The following TSSK2 variants were observed in gnomAD, a reference collection of about 807,000 sequenced individuals.
The protein encoded by TSSK2 is testis-specific serine/threonine-protein kinase 2.
TSSK2 carries 5 observed loss-of-function variants against 14.2 expected under a neutral mutation model. The ratio of observed to expected loss-of-function variants is 0.35; its 90% CI spans 0.18 to 0.74. The LOEUF is 0.74. Among genes scored for constraint, TSSK2 ranks in the 30% least tolerant of loss-of-function variants. TSSK2 has a pLI of 0.56. For synonymous variants in TSSK2, 209 were observed against 201.9 expected (o/e 1.04, Z -0.30); for missense variants, 439 against 491.1 (o/e 0.89, Z 1.00).
Position 19,131,907 on chromosome 22 carries a change from A to C in TSSK2, c.508A>C (p.Ile170Leu), listed in dbSNP as rs761972241. ...RCLRDSNGRI[I>L]LSKTFCGSAA... The stretch of plus-strand genomic sequence containing the variant: ...CCTGCGGGACAGCAATGGGCGCATC[A>C]TCCTCAGCAAGACCTTCTGCGGGTC... Residue 170 changes from isoleucine to leucine, a missense_variant, in exon 1 of 1, where the codon ATC becomes CTC. Physicochemically the swap from Ile to Leu is conservative, Grantham distance 5 (BLOSUM62 2). Coordinates refer to ENST00000399635, the MANE Select transcript of TSSK2 (RefSeq NM_053006.5). This position sits in a 1 kb window ranked among gnomAD's most constrained non-coding sequence, Gnocchi z 5.7. The C allele has an allele frequency of 6.2e-7, 1 of 1,613,970 alleles. No homozygotes were observed. Among genetic ancestry groups the C allele is most frequent in the African/African-American group, 1.3e-5 (1 of 74,938 alleles).
chr22:19,132,188 C>T lies in TSSK2; in HGVS notation c.789C>T (p.Ile263=), dbSNP rs767667222. The change falls in exon 1 of 1, where the codon ATC becomes ATT. Residue 263 remains isoleucine (I), a synonymous_variant. Transcript: ENST00000399635. This position sits in a 1 kb window ranked among gnomAD's most constrained non-coding sequence, Gnocchi z 4.2. ...LQPDVSQRLH[I]DEILSHSWLQ... Reference sequence around the variant, plus strand: ...CCGACGTCAGCCAGCGGCTCCACATCGATGAGATCCTCAGCCACTCGTGGC... The same window carrying T: ...CCGACGTCAGCCAGCGGCTCCACATTGATGAGATCCTCAGCCACTCGTGGC... The T allele has an allele frequency of 1.7e-5, 27 of 1,613,004 alleles. No individual in the cohort carries two copies. The highest frequency in any genetic ancestry group is 2.2e-5 in the East Asian group (1 of 44,860).
In TSSK2 at chr22:19,132,266, G is replaced by A; in HGVS notation, c.867G>A (p.Gly289=). Residue 289 remains glycine, a synonymous_variant, in exon 1 of 1, where the codon GGG becomes GGA. Transcript: ENST00000399635. The surrounding 1 kb of genome is among the most constrained non-coding windows in gnomAD (Gnocchi z 4.2). Reference sequence around the variant, plus strand: ...CTTCTGCCTCCTTCAAGAGGGAGGGGGAGGGCAAGTACCGCGCTGAGTGCA... The same window carrying A: ...CTTCTGCCTCCTTCAAGAGGGAGGGAGAGGGCAAGTACCGCGCTGAGTGCA... ...ATSSASFKRE[G]EGKYRAECKL... 2 of 1,612,754 alleles carry A rather than the reference G, an allele frequency of 1.2e-6. No homozygotes were observed. Among genetic ancestry groups the A allele is most frequent in the East Asian group, 4.5e-5 (2 of 44,854 alleles).
rs2083513918 is a variant in TSSK2 at position 19,132,065 on chromosome 22, G to A, written c.666G>A (p.Arg222=). The part of the protein sequence containing the change: ...GSMPYDDSDI[R]KMLRIQKEHR... ...TGCCCTATGACGACTCCGACATCAG[G>A]AAGATGCTGCGTATCCAGAAGGAGC... Residue 222 remains arginine (R), a synonymous_variant, in exon 1 of 1, where the codon AGG becomes AGA. Coordinates refer to ENST00000399635, the MANE Select transcript of TSSK2 (RefSeq NM_053006.5). This position sits in a 1 kb window ranked among gnomAD's most constrained non-coding sequence, Gnocchi z 4.2. 3.1e-6 allele frequency: 5 copies of A among 1,614,010 alleles called. No individual in the cohort carries two copies. In the Middle Eastern group the frequency reaches 6.6e-4, roughly 213 times the overall value.
Position 19,131,466 on chromosome 22 carries a change from T to C in TSSK2, c.67T>C (p.Tyr23His), listed in dbSNP as rs746762650. 3.1e-6 allele frequency: 5 copies of C among 1,614,114 alleles called. No individual in the cohort carries two copies. Among genetic ancestry groups the C allele is most frequent in the Non-Finnish European group, 2.5e-6 (3 of 1,180,016 alleles). Residue 23 changes from tyrosine (Y) to histidine (H), a missense_variant, in exon 1 of 1, where the codon TAC (tyrosine) becomes CAC (histidine). Coordinates refer to ENST00000399635, the MANE Select transcript of TSSK2 (RefSeq NM_053006.5). The surrounding 1 kb of genome is among the most constrained non-coding windows in gnomAD (Gnocchi z 5.7). Reference protein sequence around the residue: ...IVGINLGKGSYAKVKSAYSER... With the variant: ...IVGINLGKGSHAKVKSAYSER... ...AGGCATCAATCTTGGCAAGGGTTCC[T>C]ACGCAAAAGTCAAATCTGCCTACTC...
In TSSK2 at chr22:19,132,100, A is replaced by G; in HGVS notation, c.701A>G (p.Asp234Gly). ...MLRIQKEHRV[D>G]FPRSKNLTCE... is the part of the protein sequence containing the mutation. ...CGTATCCAGAAGGAGCACCGTGTGGACTTCCCGCGCTCCAAGAACCTGACC... is the reference window on the plus strand; with the variant it reads ...CGTATCCAGAAGGAGCACCGTGTGGGCTTCCCGCGCTCCAAGAACCTGACC... The change falls in exon 1 of 1, where the codon GAC (aspartate) becomes GGC (glycine). Residue 234 changes from aspartate (D) to glycine (G), a missense_variant. Coordinates refer to ENST00000399635, the MANE Select transcript of TSSK2 (RefSeq NM_053006.5). The surrounding 1 kb of genome is among the most constrained non-coding windows in gnomAD (Gnocchi z 4.2). The G allele has an allele frequency of 6.2e-7, 1 of 1,613,032 alleles. No homozygotes were observed. Among genetic ancestry groups the G allele is most frequent in the East Asian group, 2.2e-5 (1 of 44,844 alleles).
chr22:19,132,586 C>G lies in TSSK2; in HGVS notation c.*110C>G. On this transcript the variant is annotated 3_prime_UTR_variant, in exon 1 of 1. Coordinates refer to ENST00000399635, the MANE Select transcript of TSSK2 (RefSeq NM_053006.5). The surrounding 1 kb of genome is among the most constrained non-coding windows in gnomAD (Gnocchi z 4.2). Reference sequence around the variant, plus strand: ...GTAGGATCTGAAGAAGGCACAGGTGCAAGTAAAATTCGTCAATTAAACCAC... The same window carrying G: ...GTAGGATCTGAAGAAGGCACAGGTGGAAGTAAAATTCGTCAATTAAACCAC... 8.8e-7 allele frequency: 1 copy of G among 1,136,960 alleles called. No homozygotes were observed. Among genetic ancestry groups the G allele is most frequent in the Non-Finnish European group, 1.3e-6 (1 of 790,064 alleles). 70.4% of individuals were successfully genotyped at this position (1,136,960 alleles called of 1,614,324 possible).
chr22:19,132,524 A>G lies in TSSK2; in HGVS notation c.*48A>G, dbSNP rs1415564617. 6.5e-7 allele frequency: 1 copy of G among 1,543,462 alleles called. No individual in the cohort carries two copies. Among genetic ancestry groups the G allele is most frequent in the East Asian group, 2.3e-5 (1 of 44,158 alleles). On this transcript the variant is annotated 3_prime_UTR_variant, in exon 1 of 1. Coordinates refer to ENST00000399635, the MANE Select transcript of TSSK2 (RefSeq NM_053006.5). This position sits in a 1 kb window ranked among gnomAD's most constrained non-coding sequence, Gnocchi z 4.2. ...GTGGTGGGGGTCGGGGTTGGGGGGC[A>G]TGGTGCAGTCGGCCTTCACGTAAAC...
rs1190302225 is a variant in TSSK2, at chr22:19,131,490, T to C, written c.91T>C (p.Ser31Pro). ...CTACGCAAAAGTCAAATCTGCCTAC[T>C]CTGAGCGCCTCAAGTTCAATGTGGC... ...GSYAKVKSAYSERLKFNVAVK... is the reference protein window; with the variant it reads ...GSYAKVKSAYPERLKFNVAVK... The change falls in exon 1 of 1, where the codon TCT (serine) becomes CCT (proline). Residue 31 changes from serine (S) to proline (P), a missense_variant. Transcript: ENST00000399635. The surrounding 1 kb of genome is among the most constrained non-coding windows in gnomAD (Gnocchi z 5.7). 2 of 1,614,142 alleles carry C rather than the reference T, an allele frequency of 1.2e-6. No homozygotes were observed. Among genetic ancestry groups the C allele is most frequent in the Non-Finnish European group, 1.7e-6 (2 of 1,180,028 alleles).
At position 19,132,521 on chromosome 22, in the gene TSSK2, G is replaced by T. The variant is rs1198151918; in HGVS notation, c.*45G>T. ...TGTGTGGTGGGGGTCGGGGTTGGGG[G>T]GCATGGTGCAGTCGGCCTTCACGTA... On this transcript the variant is annotated 3_prime_UTR_variant, in exon 1 of 1. Transcript: ENST00000399635. The surrounding 1 kb of genome is among the most constrained non-coding windows in gnomAD (Gnocchi z 4.2). The T allele has an allele frequency of 1.9e-6, 3 of 1,547,390 alleles. No homozygotes were observed. Among genetic ancestry groups the T allele is most frequent in the Non-Finnish European group, 2.6e-6 (3 of 1,141,606 alleles).
Position 19,132,388 on chromosome 22 carries a change from A to C in TSSK2, c.989A>C (p.Glu330Ala). The C allele has an allele frequency of 6.2e-7, 1 of 1,613,170 alleles. No homozygotes were observed. The highest frequency in any genetic ancestry group is 8.5e-7 in the Non-Finnish European group (1 of 1,179,996). Residue 330 changes from glutamate to alanine, a missense_variant, in exon 1 of 1, where the codon GAG becomes GCG. Coordinates refer to ENST00000399635, the MANE Select transcript of TSSK2 (RefSeq NM_053006.5). This position sits in a 1 kb window ranked among gnomAD's most constrained non-coding sequence, Gnocchi z 4.2. ...QHRLLVVPEN[E>A]NRMEDRLAET... The stretch of plus-strand genomic sequence containing the variant: ...CGGCTGCTGGTGGTGCCCGAGAACG[A>C]GAACAGGATGGAGGACAGGCTGGCC...
chr22:19,131,687 C>A lies in TSSK2; in HGVS notation c.288C>A (p.Gly96=), dbSNP rs761090528. Residue 96 remains glycine, a synonymous_variant, in exon 1 of 1, where the codon GGC becomes GGA. Transcript: ENST00000399635. The surrounding 1 kb of genome is among the most constrained non-coding windows in gnomAD (Gnocchi z 5.7). ...IYIIMELGVQ[G]DLLEFIKCQG... is the part of the protein sequence containing the mutation. ...TCATCATGGAGCTTGGCGTCCAGGG[C>A]GACCTCCTCGAGTTCATCAAGTGCC... The A allele has an allele frequency of 6.2e-7, 1 of 1,614,054 alleles. No homozygotes were observed. Among genetic ancestry groups the A allele is most frequent in the African/African-American group, 1.3e-5 (1 of 75,008 alleles).
Position 19,132,333 on chromosome 22 carries a change from G to T in TSSK2, c.934G>T (p.Asp312Tyr). The T allele has an allele frequency of 3.7e-6, 6 of 1,612,856 alleles. No homozygotes were observed. Among genetic ancestry groups the T allele is most frequent in the South Asian group, 1.1e-5 (1 of 91,046 alleles). Residue 312 changes from aspartate to tyrosine, a missense_variant, in exon 1 of 1, where the codon GAC (aspartate) becomes TAC (tyrosine). Transcript: ENST00000399635. The surrounding 1 kb of genome is among the most constrained non-coding windows in gnomAD (Gnocchi z 4.2). Reference sequence around the variant, plus strand: ...AGGCTTGAGGCCCGACCACCGGCCCGACCACAAGCTTGGAGCCAAAACCCA... The same window carrying T: ...AGGCTTGAGGCCCGACCACCGGCCCTACCACAAGCTTGGAGCCAAAACCCA... ...KTGLRPDHRPDHKLGAKTQHR... is the reference protein window; with the variant it reads ...KTGLRPDHRPYHKLGAKTQHR...
rs202065494 is a variant in TSSK2 at position 19,131,621 on chromosome 22, G to C, written c.222G>C (p.Lys74Asn). 22 of 1,614,112 alleles carry C rather than the reference G, an allele frequency of 1.4e-5. No individual in the cohort carries two copies. In the African/African-American group the frequency reaches 2.9e-4, roughly 22 times the overall value. ...LATVNHGSII[K>N]TYEIFETSDG... ...CTGTCAACCACGGCTCCATCATCAA[G>C]ACTTACGAGATCTTTGAGACCTCTG... The change falls in exon 1 of 1, where the codon AAG (lysine) becomes AAC (asparagine). Residue 74 changes from lysine to asparagine, a missense_variant. Lys to Asn is a moderately conservative substitution (Grantham distance 94). Coordinates refer to ENST00000399635, the MANE Select transcript of TSSK2 (RefSeq NM_053006.5). This position sits in a 1 kb window ranked among gnomAD's most constrained non-coding sequence, Gnocchi z 5.7.
In TSSK2 at chr22:19,132,269, G is replaced by A; in HGVS notation, c.870G>A (p.Glu290=). 1 of 1,612,818 alleles carries A rather than the reference G, an allele frequency of 6.2e-7. No homozygotes were observed. The highest frequency in any genetic ancestry group is 8.5e-7 in the Non-Finnish European group (1 of 1,179,386). The change falls in exon 1 of 1, where the codon GAG becomes GAA. Residue 290 remains glutamate, a synonymous_variant. Transcript: ENST00000399635. The surrounding 1 kb of genome is among the most constrained non-coding windows in gnomAD (Gnocchi z 4.2). ...TSSASFKREG[E]GKYRAECKLD... The stretch of plus-strand genomic sequence containing the variant: ...CTGCCTCCTTCAAGAGGGAGGGGGA[G>A]GGCAAGTACCGCGCTGAGTGCAAAC...
At position 19,131,650 on chromosome 22, in the gene TSSK2, G is replaced by A. The variant is rs572162003; in HGVS notation, c.251G>A (p.Gly84Glu). The change falls in exon 1 of 1, where the codon GGA (glycine) becomes GAA (glutamate). Residue 84 changes from glycine to glutamate, a missense_variant. Physicochemically the swap from Gly to Glu is moderately conservative, Grantham distance 98. Transcript: ENST00000399635. The surrounding 1 kb of genome is among the most constrained non-coding windows in gnomAD (Gnocchi z 5.7). ...TACGAGATCTTTGAGACCTCTGACG[G>A]ACGGATCTACATCATCATGGAGCTT... Reference protein sequence around the residue: ...KTYEIFETSDGRIYIIMELGV... With the variant: ...KTYEIFETSDERIYIIMELGV... 9.9e-6 allele frequency: 16 copies of A among 1,614,058 alleles called. No individual in the cohort carries two copies. Among genetic ancestry groups the A allele is most frequent in the African/African-American group, 1.3e-5 (1 of 74,992 alleles).
At position 19,131,674 on chromosome 22, in the gene TSSK2, T is replaced by C; in HGVS notation, c.275T>C (p.Leu92Pro). The C allele has an allele frequency of 3.1e-6, 5 of 1,614,042 alleles. No individual in the cohort carries two copies. The highest frequency in any genetic ancestry group is 2.2e-5 in the South Asian group (2 of 91,064). The change falls in exon 1 of 1, where the codon CTT becomes CCT. Residue 92 changes from leucine to proline, a missense_variant. Transcript: ENST00000399635. This position sits in a 1 kb window ranked among gnomAD's most constrained non-coding sequence, Gnocchi z 5.7. ...GGACGGATCTACATCATCATGGAGC[T>C]TGGCGTCCAGGGCGACCTCCTCGAG... ...SDGRIYIIME[L>P]GVQGDLLEFI... is the part of the protein sequence containing the mutation.
At position 19,132,109 on chromosome 22, in the gene TSSK2, G is replaced by A. The variant is rs149513764; in HGVS notation, c.710G>A (p.Arg237His). The A allele has an allele frequency of 3.2e-4, 514 of 1,612,718 alleles. No individual in the cohort carries two copies. Among genetic ancestry groups the A allele is most frequent in the Non-Finnish European group, 4.2e-4 (490 of 1,179,046 alleles). ...AAGGAGCACCGTGTGGACTTCCCGC[G>A]CTCCAAGAACCTGACCTGCGAGTGC... ...IQKEHRVDFP[R>H]SKNLTCECKD... is the part of the protein sequence containing the mutation. The change falls in exon 1 of 1, where the codon CGC becomes CAC. Residue 237 changes from arginine (R) to histidine (H), a missense_variant. Arg to His is a conservative substitution (Grantham distance 29, BLOSUM62 0). Transcript: ENST00000399635. The surrounding 1 kb of genome is among the most constrained non-coding windows in gnomAD (Gnocchi z 4.2).
chr22:19,131,996 C>T lies in TSSK2; in HGVS notation c.597C>T (p.Ile199=). The change falls in exon 1 of 1, where the codon ATC becomes ATT. Residue 199 remains isoleucine (I), a synonymous_variant. Transcript: ENST00000399635. The surrounding 1 kb of genome is among the most constrained non-coding windows in gnomAD (Gnocchi z 5.7). ...CCTACCAGCCCAAGGTGTATGACAT[C>T]TGGAGCCTGGGCGTGATCCTGTACA... ...SIPYQPKVYD[I]WSLGVILYIM... 6.2e-7 allele frequency: 1 copy of T among 1,614,166 alleles called. No homozygotes were observed. The highest frequency in any genetic ancestry group is 8.5e-7 in the Non-Finnish European group (1 of 1,180,040).
chr22:19,131,589 C>A lies in TSSK2; in HGVS notation c.190C>A (p.Leu64Met). The A allele has an allele frequency of 1.2e-6, 2 of 1,614,198 alleles. No individual in the cohort carries two copies. The highest frequency in any genetic ancestry group is 1.7e-6 in the Non-Finnish European group (2 of 1,180,038). ...ERFLPREMDILATVNHGSIIK... is the reference protein window; with the variant it reads ...ERFLPREMDIMATVNHGSIIK... ...ATTCCTTCCTCGGGAGATGGACATC[C>A]TGGCAACTGTCAACCACGGCTCCAT... Residue 64 changes from leucine (L) to methionine (M), a missense_variant, in exon 1 of 1, where the codon CTG becomes ATG. Coordinates refer to ENST00000399635, the MANE Select transcript of TSSK2 (RefSeq NM_053006.5). The surrounding 1 kb of genome is among the most constrained non-coding windows in gnomAD (Gnocchi z 5.7).
Sources: allele counts gnomAD v4.1 joint callset, GRCh38; gene constraint gnomAD v4.1.1; non-coding constraint Gnocchi (gnomAD v3.1); transcripts MANE v1.5; gene names NCBI Gene and HGNC (gene_info 2026-07-23, HGNC 2026-07-21).